KCNMA1: variants seen among roughly 807,000 people sequenced by gnomAD.
KCNMA1 encodes potassium calcium-activated channel subfamily M alpha 1.
A neutral mutation model predicts 140.0 loss-of-function variants in KCNMA1; 29 were observed. The ratio of observed to expected loss-of-function variants is 0.21; its 90% CI spans 0.15 to 0.28. The LOEUF (loss-of-function observed/expected upper bound fraction) is 0.28. Among genes scored for constraint, KCNMA1 ranks in the 10% least tolerant of loss-of-function variants. The pLI is 1.00. For missense variants in KCNMA1, 880 were observed against 1,602.2 expected, an observed-to-expected ratio of 0.55 and a Z score of 7.70; for synonymous variants, 612 against 611.9, an observed-to-expected ratio of 1.00 and a Z score of 0.00.
rs2097582554 is a variant in KCNMA1 at position 77,121,149 on chromosome 10, G to A, written c.809-101C>T. ...ACAGTTCCCAAGGGTCGAAGGGATG[G>A]GAAGTTCTTGCAGAAGATAAACCAG... On this transcript the variant is annotated intron_variant, in intron 5 of 27. Transcript: ENST00000286628. The A allele has an allele frequency of 6.5e-6, 5 of 772,034 alleles. No homozygotes were observed. In the Admixed American group the frequency reaches 9.8e-5, roughly 15 times the overall value. The allele number at this position is 772,034 out of a possible 1,614,324, so 47.8% of individuals were successfully genotyped here.
At chr10:77,170,476 CTCCATCCCTGGGAGAAGGTCAGAGGT>C (rs1471690602) in intron 5 of KCNMA1, among the ~76,000 whole-genome samples, 91 of 62,610 alleles carry the variant, frequency 1.5e-3, no homozygotes, top group African/African-American at 5.4e-3. Context: ...GGAGGTGAGG[CTCCATCCCTGGGAGAAGGTCAGAGGT>C]GAGGCTCCAT....
intron 1 of KCNMA1, among the ~76,000 whole-genome samples, chr10:77,616,524 G>A (rs1294094922): frequency 6.6e-6 from 1 of 152,214 alleles, no homozygotes; most frequent in African/African-American, 2.4e-5. Context: ...TCAATTTGAA[G>A]ACCGGGTGCA....
chr10:77,281,092 T>G (rs1470505645), intron 2 of KCNMA1, among the ~76,000 whole-genome samples: 1 of 66,438 alleles, frequency 1.5e-5, no homozygotes, highest in East Asian at 3.6e-4. Context: ...GGAAAAGATT[T>G]TCTTATGAGA....
intron 3 of KCNMA1, among the ~76,000 whole-genome samples, chr10:77,198,504 C>T (rs562657898): frequency 5.3e-5 from 8 of 149,868 alleles, no homozygotes; most frequent in Admixed American, 1.3e-4. Context: ...ACCCTAGTTA[C>T]GAGCAAGATT....
chr10:77,137,969 G>T (rs895017649), intron 5 of KCNMA1, among the ~76,000 whole-genome samples: 1 of 152,060 alleles, frequency 6.6e-6, no homozygotes, highest in Non-Finnish European at 1.5e-5. Flanking sequence ...GTTTCACCAT[G>T]TTGCCAATCC....
At position 77,470,194 on chromosome 10, in the gene KCNMA1, T is replaced by G. The variant is rs114617047; in HGVS notation, c.379-66171A>C. ...CAAGGATCCAGGAAAGGGAAACAGG[T>G]GGAATTCTCAGTTCCCTATGCCAAT... On this transcript the variant is annotated intron_variant, in intron 1 of 27. Transcript: ENST00000286628. Among the ~76,000 whole-genome samples the G allele has an allele frequency of 3.3e-3, 507 of 152,138 alleles. 4 individuals carry two copies. The highest frequency in any genetic ancestry group is 0.011 in the African/African-American group (466 of 41,520).
At position 77,637,606 on chromosome 10, in the gene KCNMA1, CGCT is replaced by C. The variant is rs757636988; in HGVS notation, c.34_36del (p.Ser12del). The C allele has an allele frequency of 8.6e-6, 13 of 1,506,034 alleles. No individual in the cohort carries two copies. The highest frequency in any genetic ancestry group is 6.2e-5 in the Admixed American group (3 of 48,104). 93.3% of individuals were successfully genotyped at this position (1,506,034 alleles called of 1,614,324 possible). ...CTGCCTCCGCCGCCGCCGCCGCCGCCGCTGCTGCCGCCGCCGCCGCCGCCACCA... is the reference window on the plus strand; with the variant it reads ...CTGCCTCCGCCGCCGCCGCCGCCGCCGCTGCCGCCGCCGCCGCCGCCACCA... On this transcript the variant is annotated inframe_deletion, in exon 1 of 28. Coordinates refer to ENST00000286628, the MANE Select transcript of KCNMA1 (RefSeq NM_001161352.2).
chr10:77,243,216 T>G (rs1430437127), intron 3 of KCNMA1, among the ~76,000 whole-genome samples: 1 of 145,394 alleles, frequency 6.9e-6, no homozygotes, highest in Non-Finnish European at 1.5e-5. Flanking sequence ...ACCACACCCC[T>G]ACCACAGTTG....
chr10:76,928,330 T>C (rs1434402290), intron 23 of KCNMA1, among the ~76,000 whole-genome samples: 1 of 151,092 alleles, frequency 6.6e-6, no homozygotes, highest in Non-Finnish European at 1.5e-5. Context: ...CACACATATT[T>C]AGACCTAAAG....
chr10:76,889,732 C>T (rs971528558), intron 26 of KCNMA1, 163 bp from the exon 27 acceptor site: 1 of 698,274 alleles, frequency 1.4e-6, no homozygotes, highest in Non-Finnish European at 2.6e-6. Context: ...ACATGTTTAA[C>T]AGACTACACC....
chr10:77,188,394 C>T (rs1465528913), intron 3 of KCNMA1, among the ~76,000 whole-genome samples: 1 of 152,160 alleles, frequency 6.6e-6, no homozygotes, highest in Non-Finnish European at 1.5e-5. Flanking sequence ...CTTATATCCT[C>T]TTAATAATTA....
intron 3 of KCNMA1, among the ~76,000 whole-genome samples, chr10:77,215,139 A>G (rs147165891): frequency 0.01 from 1,531 of 152,102 alleles, 13 homozygotes; most frequent in Middle Eastern, 0.02. Flanking sequence ...CTCCCTTCCC[A>G]GTAAATGCTA....
intron 23 of KCNMA1, among the ~76,000 whole-genome samples, chr10:76,933,515 C>T (rs534674644): frequency 6.6e-6 from 1 of 152,330 alleles, no homozygotes; most frequent in East Asian, 1.9e-4. Context: ...AGGTGACCCT[C>T]TGTGAAAAAC....
At chr10:77,437,577 GA>G (rs1157338796) in intron 1 of KCNMA1, among the ~76,000 whole-genome samples, 1 of 152,148 alleles carries the variant, frequency 6.6e-6, no homozygotes, top group African/African-American at 2.4e-5. Flanking sequence ...CTTGGTTTGT[GA>G]TAATTTTATA....
chr10:77,575,861 C>T lies in KCNMA1; in HGVS notation c.378+61404G>A, dbSNP rs544109148. Among the ~76,000 whole-genome samples, 5 of 152,330 alleles carry T rather than the reference C, an allele frequency of 3.3e-5. No individual in the cohort carries two copies. In the South Asian group the frequency reaches 1.0e-3, roughly 32 times the overall value. On this transcript the variant is annotated intron_variant, in intron 1 of 27. Transcript: ENST00000286628. Reference sequence around the variant, plus strand: ...GGCCAGTTAAAATAGAGCCCTGGGCCCCACCCCCAGAGGGGAGTCCCTGAC... The same window carrying T: ...GGCCAGTTAAAATAGAGCCCTGGGCTCCACCCCCAGAGGGGAGTCCCTGAC...
intron 5 of KCNMA1, among the ~76,000 whole-genome samples, chr10:77,147,267 G>A (rs769138109): frequency 7.2e-5 from 11 of 152,100 alleles, no homozygotes; most frequent in Non-Finnish European, 1.5e-4. Flanking sequence ...TCTTCTTCAC[G>A]CACTTACTCT....
intron 5 of KCNMA1, among the ~76,000 whole-genome samples, chr10:77,153,942 G>T (rs913432556): frequency 5.3e-5 from 8 of 152,144 alleles, no homozygotes; most frequent in African/African-American, 1.9e-4. Flanking sequence ...ATGAGAAAAT[G>T]TCTGTTGTTC....
intron 1 of KCNMA1, among the ~76,000 whole-genome samples, chr10:77,633,595 G>T (rs994444701): frequency 3.9e-5 from 6 of 152,212 alleles, no homozygotes; most frequent in Non-Finnish European, 8.8e-5. Flanking sequence ...CAGACCCTGG[G>T]TAATTACCAA....
intron 17 of KCNMA1, among the ~76,000 whole-genome samples, chr10:77,017,738 T>A (rs1319659624): frequency 6.6e-6 from 1 of 152,096 alleles, no homozygotes; most frequent in African/African-American, 2.4e-5. Flanking sequence ...GGCAAATAAT[T>A]AAGAGTGCAA....
Sources: gnomAD v4.1 joint callset for allele counts (sites outside exome capture counted in the v4.1 genomes callset) on GRCh38, gnomAD v4.1.1 for gene constraint, MANE v1.5 for transcripts, NCBI Gene and HGNC (gene_info 2026-07-23, HGNC 2026-07-21) for gene names.